IFT56: variants seen among roughly 807,000 people sequenced by gnomAD.
The protein encoded by IFT56 is intraflagellar transport 56.
the IFT56 span, among the ~76,000 whole-genome samples, chr7:139,182,039 AAAG>A: frequency 6.6e-6 from 1 of 152,080 alleles, no homozygotes; most frequent in Admixed American, 6.6e-5. Flanking sequence ...AGAGAATAAA[AAAG>A]TAGTCAGATT....
the IFT56 span, among the ~76,000 whole-genome samples, chr7:139,159,666 C>T: frequency 3.9e-5 from 6 of 152,068 alleles, no homozygotes; most frequent in East Asian, 3.8e-4. Flanking sequence ...TCTGTTAAGC[C>T]AGACATTAAA....
At chr7:139,137,568 T>G in the IFT56 span, among the ~76,000 whole-genome samples, 6 of 152,240 alleles carry the variant, frequency 3.9e-5, no homozygotes, top group Non-Finnish European at 8.8e-5. Context: ...ATAATTCTCT[T>G]CCTTATATAT....
At chr7:139,148,969 A>G in the IFT56 span, among the ~76,000 whole-genome samples, 3 of 151,958 alleles carry the variant, frequency 2.0e-5, no homozygotes, top group Admixed American at 6.6e-5. Flanking sequence ...TGGCTCTGTG[A>G]TTGAATGCCA....
At chr7:139,181,154 G>A in the IFT56 span, 21 of 1,613,154 alleles carry the variant, frequency 1.3e-5, 1 homozygote, top group South Asian at 1.3e-4. Context: ...AACCTCCGGC[G>A]AGTCCTTCAG....
the IFT56 span, chr7:139,187,474 T>C: frequency 1.2e-6 from 2 of 1,614,142 alleles, no homozygotes; most frequent in Non-Finnish European, 1.7e-6. Flanking sequence ...ACCCTGAATA[T>C]TGGGAAGGCA....
At chr7:139,176,988 A>G in the IFT56 span, among the ~76,000 whole-genome samples, 1 of 151,944 alleles carries the variant, frequency 6.6e-6, no homozygotes, top group East Asian at 1.9e-4. Context: ...TCTGGCCAAC[A>G]TGGTGGAACC....
chr7:139,161,072 G>C, the IFT56 span: 1 of 1,461,228 alleles, frequency 6.8e-7, no homozygotes, highest in Non-Finnish European at 9.5e-7. Flanking sequence ...CTCTGCTTTG[G>C]TACATCACAG....
chr7:139,173,638 ATTCTT>A, the IFT56 span: 4 of 786,408 alleles, frequency 5.1e-6, no homozygotes, highest in African/African-American at 3.4e-5. Flanking sequence ...AAAGGTCAAC[ATTCTT>A]TTCTTCTGGG....
At chr7:139,179,933 T>C in the IFT56 span, among the ~76,000 whole-genome samples, 1 of 152,194 alleles carries the variant, frequency 6.6e-6, no homozygotes, top group African/African-American at 2.4e-5. Flanking sequence ...TTCCAGAGTC[T>C]CAGTTTATAG....
At chr7:139,162,805 A>G in the IFT56 span, among the ~76,000 whole-genome samples, 1 of 151,932 alleles carries the variant, frequency 6.6e-6, no homozygotes, top group East Asian at 1.9e-4. Flanking sequence ...CTAAAAATAC[A>G]AAAATTAGCA....
chr7:139,172,809 A>G, the IFT56 span: 1 of 652,560 alleles, frequency 1.5e-6, no homozygotes, highest in Non-Finnish European at 3.0e-6. Context: ...CGTTCATTTC[A>G]TTAGTTTTTC....
At chr7:139,164,467 A>G in the IFT56 span, among the ~76,000 whole-genome samples, 1 of 152,222 alleles carries the variant, frequency 6.6e-6, no homozygotes, top group African/African-American at 2.4e-5. Flanking sequence ...AGTACACAAT[A>G]AGGGTTATGC....
At chr7:139,152,313 G>C in the IFT56 span, among the ~76,000 whole-genome samples, 1 of 152,160 alleles carries the variant, frequency 6.6e-6, no homozygotes, top group South Asian at 2.1e-4. Context: ...TTTCTGTAGA[G>C]ATGGGGTCTT....
chr7:139,168,414 T>A, the IFT56 span: 1 of 1,603,932 alleles, frequency 6.2e-7, no homozygotes, highest in Non-Finnish European at 8.5e-7. Flanking sequence ...ATGAAATCAC[T>A]GATAATCTAT....
At chr7:139,189,325 A>G in the IFT56 span, 1 of 1,598,808 alleles carries the variant, frequency 6.3e-7, no homozygotes, top group Non-Finnish European at 8.5e-7. Context: ...CCTCAGAGAG[A>G]CCCTTCGAGA....
the IFT56 span, among the ~76,000 whole-genome samples, chr7:139,165,790 A>G: frequency 6.6e-6 from 1 of 152,140 alleles, no homozygotes; most frequent in Non-Finnish European, 1.5e-5. Context: ...AGCAGCCACC[A>G]TGCATTTGTG....
At chr7:139,173,661 G>A in the IFT56 span, 2 of 775,448 alleles carry the variant, frequency 2.6e-6, no homozygotes, top group Non-Finnish European at 4.8e-6. Flanking sequence ...GGGATATAAT[G>A]CACGTTCATA....
At chr7:139,151,315 A>G in the IFT56 span, among the ~76,000 whole-genome samples, 8 of 152,212 alleles carry the variant, frequency 5.3e-5, no homozygotes, top group Non-Finnish European at 1.2e-4. Context: ...GTATGGCAGA[A>G]GGGATGGCAA....
At chr7:139,190,974 C>T in the IFT56 span, 1 of 152,120 alleles carries the variant, frequency 6.6e-6, no homozygotes, top group Non-Finnish European at 1.5e-5. Context: ...TCCATTTATC[C>T]CAGCACTCCA....
Sources: gnomAD v4.1 joint callset for allele counts (sites outside exome capture counted in the v4.1 genomes callset) on GRCh38, gnomAD v4.1.1 for gene constraint, MANE v1.5 for transcripts, NCBI Gene and HGNC (gene_info 2026-07-23, HGNC 2026-07-21) for gene names.